MARCHF10: variants seen among roughly 807,000 people sequenced by gnomAD.
MARCHF10 encodes probable E3 ubiquitin-protein ligase MARCHF10.
Under a neutral mutation model 76.2 loss-of-function variants are expected in MARCHF10, and 64 were observed. That is an observed-to-expected ratio of 0.84 (90% CI 0.69 to 1.03). The LOEUF (loss-of-function observed/expected upper bound fraction) is 1.03. MARCHF10 is among the 50% of genes least tolerant of loss of function. The pLI is 0.00. For synonymous variants in MARCHF10, 340 were observed against 357.5 expected (o/e 0.95, Z 0.55); for missense variants, 875 against 958.0 (o/e 0.91, Z 1.14).
intron 6 of MARCHF10, among the ~76,000 whole-genome samples, chr17:62,731,194 T>C (rs1295058307): frequency 6.6e-6 from 1 of 152,142 alleles, no homozygotes; most frequent in Non-Finnish European, 1.5e-5. Flanking sequence ...ACCAAAAATA[T>C]ATACATAAAA....
intron 3 of MARCHF10, among the ~76,000 whole-genome samples, chr17:62,763,621 C>T (rs1186403017): frequency 6.6e-6 from 1 of 152,070 alleles, no homozygotes; most frequent in African/African-American, 2.4e-5. Flanking sequence ...GTTGAAATGT[C>T]ACTTGGAGGT....
rs1364276256 is a variant in MARCHF10, at chr17:62,711,855, G to A, written c.2215-511C>T. Among the ~76,000 whole-genome samples, 1 of 152,184 alleles carries A rather than the reference G, an allele frequency of 6.6e-6. No individual in the cohort carries two copies. The highest frequency in any genetic ancestry group is 1.5e-5 in the Non-Finnish European group (1 of 68,030). ...AAAGGCTTCCTGAGGAGCCTCCTTT[G>A]CCCCCATCATTCCTTTGCTTCCCAG... is the stretch of plus-strand genomic sequence containing the variant. On this transcript the variant is annotated intron_variant, in intron 8 of 10. Coordinates refer to ENST00000311269, the MANE Select transcript of MARCHF10 (RefSeq NM_152598.4). This position sits in a 1 kb window ranked among gnomAD's most constrained non-coding sequence, Gnocchi z 4.4.
chr17:62,769,207 G>A (rs1041734752), intron 3 of MARCHF10, among the ~76,000 whole-genome samples: 1 of 152,144 alleles, frequency 6.6e-6, no homozygotes, highest in Admixed American at 6.5e-5. Context: ...ATAGGATAAG[G>A]TGGTGACCAC....
chr17:62,743,407 G>T (rs2091586528), intron 5 of MARCHF10, among the ~76,000 whole-genome samples: 2 of 152,208 alleles, frequency 1.3e-5, no homozygotes, highest in Admixed American at 6.5e-5. Context: ...CAGCACTTTG[G>T]GAGGCCAAGG....
chr17:62,803,145 C>G (rs1056480852), intron 1 of MARCHF10, among the ~76,000 whole-genome samples: 2 of 152,022 alleles, frequency 1.3e-5, no homozygotes, highest in African/African-American at 4.8e-5. Flanking sequence ...GAAAATTAGC[C>G]AGGTATTGTG....
intron 6 of MARCHF10, among the ~76,000 whole-genome samples, chr17:62,729,433 A>T (rs2090915774): frequency 6.7e-6 from 1 of 149,270 alleles, no homozygotes; most frequent in Non-Finnish European, 1.5e-5. Flanking sequence ...TTTTGAAAAG[A>T]GGGTAACAAA....
chr17:62,745,896 T>C (rs971185465), intron 4 of MARCHF10, among the ~76,000 whole-genome samples: 1 of 152,226 alleles, frequency 6.6e-6, no homozygotes, highest in Admixed American at 6.5e-5. Flanking sequence ...CGTGAATATC[T>C]GGACGAAATT....
intron 8 of MARCHF10, among the ~76,000 whole-genome samples, chr17:62,719,962 T>A (rs895357404): frequency 6.6e-6 from 1 of 152,268 alleles, no homozygotes; most frequent in African/African-American, 2.4e-5. Context: ...TCCAGTCTAC[T>A]AATAAGCCCA....
At chr17:62,799,916 G>T (rs534041132) in intron 2 of MARCHF10, among the ~76,000 whole-genome samples, 34 of 152,208 alleles carry the variant, frequency 2.2e-4, no homozygotes, top group African/African-American at 7.7e-4. Context: ...CTTTCCTTCC[G>T]ATTGGGAAGC....
chr17:62,786,372 G>A (rs145104152), intron 3 of MARCHF10, among the ~76,000 whole-genome samples: 2 of 150,892 alleles, frequency 1.3e-5, no homozygotes, highest in African/African-American at 2.4e-5. Flanking sequence ...TCACACACTG[G>A]GGCATGTCAT....
At chr17:62,708,089 C>T (rs1324661804) in intron 9 of MARCHF10, among the ~76,000 whole-genome samples, 2 of 152,004 alleles carry the variant, frequency 1.3e-5, no homozygotes, top group Non-Finnish European at 2.9e-5. Context: ...CAGAGTGAGA[C>T]CCTGTCTCAA....
At chr17:62,753,094 TTC>T (rs140348805) in intron 4 of MARCHF10, among the ~76,000 whole-genome samples, 43 of 149,950 alleles carry the variant, frequency 2.9e-4, no homozygotes, top group African/African-American at 3.9e-4. Context: ...AAACCAGAGC[TTC>T]TCTCTCTCTC....
chr17:62,740,118 T>G (rs191606672), intron 5 of MARCHF10, among the ~76,000 whole-genome samples: 1 of 152,144 alleles, frequency 6.6e-6, no homozygotes, highest in Non-Finnish European at 1.5e-5. Context: ...GGTGGCAGAC[T>G]GTGCCATTCT....
intron 4 of MARCHF10, among the ~76,000 whole-genome samples, chr17:62,748,138 C>T (rs1271487369): frequency 6.6e-6 from 1 of 152,190 alleles, no homozygotes; most frequent in African/African-American, 2.4e-5. Flanking sequence ...TGGCTCACGC[C>T]TGTAATCCCA....
intron 6 of MARCHF10, among the ~76,000 whole-genome samples, chr17:62,725,638 C>A (rs1332327168): frequency 6.6e-6 from 1 of 152,174 alleles, no homozygotes; most frequent in Non-Finnish European, 1.5e-5. Context: ...ACCAGCACTG[C>A]CACCATAAAT....
At chr17:62,796,234 C>T (rs1215938189) in intron 2 of MARCHF10, among the ~76,000 whole-genome samples, 1 of 152,022 alleles carries the variant, frequency 6.6e-6, no homozygotes, top group Non-Finnish European at 1.5e-5. Context: ...TCAAATGATC[C>T]ACCCGCCTCT....
intron 2 of MARCHF10, among the ~76,000 whole-genome samples, chr17:62,799,197 C>G (rs2093033969): frequency 6.6e-6 from 1 of 152,196 alleles, no homozygotes; most frequent in Non-Finnish European, 1.5e-5. Flanking sequence ...GCCTCTCCAT[C>G]TATCAGCAAG....
chr17:62,717,895 G>C (rs1013762991), intron 8 of MARCHF10, among the ~76,000 whole-genome samples: 4 of 152,214 alleles, frequency 2.6e-5, no homozygotes, highest in Admixed American at 6.5e-5. Context: ...GAAGGTGCTT[G>C]TAGCCAGTTG....
At position 62,776,175 on chromosome 17, in the gene MARCHF10, T is replaced by C. The variant is rs567018715; in HGVS notation, c.210+12305A>G. Among the ~76,000 whole-genome samples the C allele has an allele frequency of 3.6e-4, 55 of 152,288 alleles. 1 individual carries two copies. The Middle Eastern group carries it at 0.01, about 28-fold the overall frequency. ...AATAGAGAATTTAAAGAAAATGTAG[T>C]AAACAAACACATAGCGCTACTTACA... On this transcript the variant is annotated intron_variant, in intron 3 of 10. Coordinates refer to ENST00000311269, the MANE Select transcript of MARCHF10 (RefSeq NM_152598.4).
Sources: gnomAD v4.1 joint callset for allele counts (sites outside exome capture counted in the v4.1 genomes callset) on GRCh38, gnomAD v4.1.1 for gene constraint, Gnocchi (gnomAD v3.1) non-coding constraint, MANE v1.5 for transcripts, NCBI Gene and HGNC (gene_info 2026-07-23, HGNC 2026-07-21) for gene names.